PPP4R3B: variants seen among roughly 807,000 people sequenced by gnomAD.
The protein encoded by PPP4R3B is protein phosphatase 4 regulatory subunit 3B.
Under a neutral mutation model 95.4 loss-of-function variants are expected in PPP4R3B, and 52 were observed. The ratio of observed to expected loss-of-function variants is 0.54; its 90% CI spans 0.44 to 0.69. The LOEUF is 0.69. PPP4R3B is among the 30% of genes least tolerant of loss of function. The probability of loss-of-function intolerance (pLI) is 0.00; values close to 1 mark genes in which losing one functional copy is unlikely to be tolerated. For synonymous variants in PPP4R3B, 407 were observed against 343.9 expected, an observed-to-expected ratio of 1.18 and a Z score of -2.03; for missense variants, 1,003 against 1,005.9, an observed-to-expected ratio of 1.00 and a Z score of 0.04.
chr2:55,574,452 T>C (rs993664368), intron 11 of PPP4R3B, among the ~76,000 whole-genome samples: 5 of 151,968 alleles, frequency 3.3e-5, no homozygotes, highest in South Asian at 2.1e-4. Flanking sequence ...AAAGGGCCCA[T>C]TGTTAAAAAA....
intron 10 of PPP4R3B, 62 bp downstream of exon 10, chr2:55,578,185 G>T: frequency 1.6e-6 from 2 of 1,289,712 alleles, no homozygotes; most frequent in Non-Finnish European, 2.0e-6. Flanking sequence ...AAATAATACC[G>T]TATATACACA....
chr2:55,617,237 G>A lies in PPP4R3B; in HGVS notation c.49C>T (p.Arg17Trp), dbSNP rs1210918983. 1.9e-6 allele frequency: 3 copies of A among 1,613,836 alleles called. No individual in the cohort carries two copies. The highest frequency in any genetic ancestry group is 2.2e-5 in the East Asian group (1 of 44,856). The change falls in exon 1 of 17, where the codon CGG becomes TGG. Residue 17 changes from arginine to tryptophan, a missense_variant. By Grantham distance (101) the Arg-to-Trp change is moderately radical. Around this residue, in one of 3 missense-constraint regions of PPP4R3B, gnomAD observed 695 missense variants for 686.2 expected, o/e 1.01. Transcript: ENST00000616407. ...RVKVYTLNED[R>W]QWDDRGTGHV... ...CCGGTGCCTCGGTCGTCCCATTGCC[G>A]GTCTTCGTTCAGGGTATAGACCTTC...
At position 55,578,328 on chromosome 2, in the gene PPP4R3B, G is replaced by C. The variant is rs752894696; in HGVS notation, c.1483C>G (p.His495Asp). ...DKCEKDFFLKHYRYSWSFICT... is the reference protein window; with the variant it reads ...DKCEKDFFLKDYRYSWSFICT... Reference sequence around the variant, plus strand: ...ATGAAACTCCAACTATATCTGTAATGTTTTAAAAAAAAATCTGAAAAAAAA... The same window carrying C: ...ATGAAACTCCAACTATATCTGTAATCTTTTAAAAAAAAATCTGAAAAAAAA... The change falls in exon 10 of 17, where the codon CAT becomes GAT. Residue 495 changes from histidine (H) to aspartate (D), a missense_variant. Physicochemically the swap from His to Asp is moderately conservative, Grantham distance 81 (BLOSUM62 -1). Around this residue, in one of 3 missense-constraint regions of PPP4R3B, gnomAD observed 695 missense variants for 686.2 expected, o/e 1.01. Coordinates refer to ENST00000616407, the MANE Select transcript of PPP4R3B (RefSeq NM_001122964.3). 8.4e-6 allele frequency: 12 copies of C among 1,423,412 alleles called. No homozygotes were observed. The highest frequency in any genetic ancestry group is 1.1e-5 in the Non-Finnish European group (12 of 1,085,726). 88.2% of individuals were successfully genotyped at this position (1,423,412 alleles called of 1,614,324 possible). A position where few individuals can be genotyped will look rare whatever the true frequency, so the allele number is the denominator to read the frequency against.
chr2:55,549,408 G>C lies in PPP4R3B; in HGVS notation c.*503C>G, dbSNP rs1374044647. 3 of 153,374 alleles carry C rather than the reference G, an allele frequency of 2.0e-5. No individual in the cohort carries two copies. The highest frequency in any genetic ancestry group is 7.2e-5 in the African/African-American group (3 of 41,382). The allele number at this position is 153,374 out of a possible 1,614,324, so 9.5% of individuals were successfully genotyped here. ...AAATCTTAAAGAAATGGTCCCAACAGCTTAACTTCATTTTTTTAATGATAG... is the reference window on the plus strand; with the variant it reads ...AAATCTTAAAGAAATGGTCCCAACACCTTAACTTCATTTTTTTAATGATAG... On this transcript the variant is annotated 3_prime_UTR_variant, in exon 17 of 17. Transcript: ENST00000616407.
intron 13 of PPP4R3B, among the ~76,000 whole-genome samples, chr2:55,567,296 T>C (rs1687435332): frequency 6.6e-6 from 1 of 152,226 alleles, no homozygotes; most frequent in African/African-American, 2.4e-5. Context: ...ACTTTGGGTG[T>C]CTTAATTTCC....
intron 11 of PPP4R3B, among the ~76,000 whole-genome samples, chr2:55,576,929 C>T (rs990922031): frequency 6.6e-6 from 1 of 152,168 alleles, no homozygotes; most frequent in African/African-American, 2.4e-5. Flanking sequence ...CCCATACCTA[C>T]TATGCCTATT....
Position 55,562,725 on chromosome 2 carries a change from G to A in PPP4R3B, c.2260+1588C>T, listed in dbSNP as rs1048070379. ...ATCTCAGTATTAGAAAGGACCTTAC[G>A]GATCATAACAAAATTAGCCATTCTA... On this transcript the variant is annotated intron_variant, in intron 15 of 16. Coordinates refer to ENST00000616407, the MANE Select transcript of PPP4R3B (RefSeq NM_001122964.3). 5.9e-5 allele frequency among the ~76,000 whole-genome samples: 9 copies of A among 152,188 alleles called. No homozygotes were observed. The East Asian group carries it at 9.6e-4, about 16-fold the overall frequency.
rs750601452 is a variant in PPP4R3B, at chr2:55,564,487, T to C, written c.2086A>G (p.Ile696Val). 3 of 1,605,998 alleles carry C rather than the reference T, an allele frequency of 1.9e-6. No homozygotes were observed. The highest frequency in any genetic ancestry group is 1.1e-5 in the South Asian group (1 of 89,344). ...CTGCGAAATCTGTTACTACGCAATATAGATGGTACACTGTAAGAAATATAT... is the reference window on the plus strand; with the variant it reads ...CTGCGAAATCTGTTACTACGCAATACAGATGGTACACTGTAAGAAATATAT... ...QNQKLNSVPSILRSNRFRRDA... is the reference protein window; with the variant it reads ...QNQKLNSVPSVLRSNRFRRDA... Residue 696 changes from isoleucine to valine, a missense_variant, in exon 15 of 17, where the codon ATA becomes GTA. Ile to Val is a conservative substitution (Grantham distance 29). This residue lies in a region of PPP4R3B where 229 missense variants were observed against 194.7 expected (regional missense o/e 1.18). Coordinates refer to ENST00000616407, the MANE Select transcript of PPP4R3B (RefSeq NM_001122964.3).
rs1684914944 is a variant in PPP4R3B, at chr2:55,548,310, G to GTT, written c.*1600_*1601insAA. ...ATTTTATTGGCTTTTAAAAGATACT[G>GTT]TAAAATTGACATATCTCAAAATGGA... On this transcript the variant is annotated 3_prime_UTR_variant, in exon 17 of 17. Coordinates refer to ENST00000616407, the MANE Select transcript of PPP4R3B (RefSeq NM_001122964.3). The GTT allele has an allele frequency of 6.6e-6, 1 of 152,540 alleles. No homozygotes were observed. Among genetic ancestry groups the GTT allele is most frequent in the African/African-American group, 2.4e-5 (1 of 41,412 alleles). 9.4% of individuals were successfully genotyped at this position (152,540 alleles called of 1,614,324 possible). A position where few individuals can be genotyped will look rare whatever the true frequency, so the allele number is the denominator to read the frequency against.
At chr2:55,583,106 T>C (rs1358233238) in intron 7 of PPP4R3B, among the ~76,000 whole-genome samples, 1 of 152,178 alleles carries the variant, frequency 6.6e-6, no homozygotes, top group Admixed American at 6.5e-5. Flanking sequence ...AATGTTTGAA[T>C]GCTGAGCATT....
chr2:55,599,830 CT>C (rs1410307908), intron 3 of PPP4R3B, among the ~76,000 whole-genome samples: 1 of 152,138 alleles, frequency 6.6e-6, no homozygotes, highest in Non-Finnish European at 1.5e-5. Context: ...AAGAGGCTTC[CT>C]TTGAATAAAA....
intron 11 of PPP4R3B, among the ~76,000 whole-genome samples, chr2:55,575,342 T>C (rs1688543147): frequency 1.3e-5 from 2 of 152,222 alleles, no homozygotes; most frequent in South Asian, 2.1e-4. Flanking sequence ...GATACATTCA[T>C]GAAATGATTT....
At chr2:55,612,117 T>G (rs969598343) in intron 2 of PPP4R3B, among the ~76,000 whole-genome samples, 1 of 152,230 alleles carries the variant, frequency 6.6e-6, no homozygotes, top group Middle Eastern at 3.4e-3. Context: ...AACCCGCTAA[T>G]GGAAACAAAA....
At chr2:55,578,015 T>C (rs1000587208) in intron 10 of PPP4R3B, among the ~76,000 whole-genome samples, 3 of 152,114 alleles carry the variant, frequency 2.0e-5, no homozygotes, top group Admixed American at 1.3e-4. Flanking sequence ...GAGAGGATTA[T>C]GTAGGAGTTA....
intron 3 of PPP4R3B, among the ~76,000 whole-genome samples, chr2:55,601,688 A>G (rs1692638209): frequency 6.6e-6 from 1 of 152,132 alleles, no homozygotes; most frequent in African/African-American, 2.4e-5. Context: ...ACCCAGACCA[A>G]CTGTTAATGA....
intron 3 of PPP4R3B, among the ~76,000 whole-genome samples, chr2:55,600,426 C>CAA (rs60764774): frequency 0.05 from 1,112 of 22,152 alleles, 413 homozygotes; most frequent in South Asian, 0.087. Context: ...AACTCTGTCT[C>CAA]AAAAAAAAAA....
chr2:55,617,374 TGGCGGTGGCGGC>T lies in PPP4R3B; in HGVS notation c.-101_-90del. 1 of 1,371,822 alleles carries T rather than the reference TGGCGGTGGCGGC, an allele frequency of 7.3e-7. No individual in the cohort carries two copies. The highest frequency in any genetic ancestry group is 1.7e-5 in the South Asian group (1 of 60,232). The allele number at this position is 1,371,822 out of a possible 1,614,324, so 85.0% of individuals were successfully genotyped here. A position where few individuals can be genotyped will look rare whatever the true frequency, so the allele number is the denominator to read the frequency against. On this transcript the variant is annotated 5_prime_UTR_variant, in exon 1 of 17. Coordinates refer to ENST00000616407, the MANE Select transcript of PPP4R3B (RefSeq NM_001122964.3). ...TCTTAGGAGACGGTAAAGGCAGTAG[TGGCGGTGGCGGC>T]GGCGGCGGCTTCGGAGAGGCCCGAA...
intron 3 of PPP4R3B, among the ~76,000 whole-genome samples, chr2:55,599,427 G>C (rs889785031): frequency 6.6e-5 from 10 of 152,020 alleles, no homozygotes; most frequent in African/African-American, 2.4e-4. Context: ...GACAAAGCAA[G>C]ACTCTGTCTC....
chr2:55,578,909 T>C (rs1474607789), intron 9 of PPP4R3B, among the ~76,000 whole-genome samples: 13 of 152,086 alleles, frequency 8.5e-5, no homozygotes. Context: ...AGTCCTTTGC[T>C]TATGTTAGTA....
Sources: allele counts gnomAD v4.1 joint callset (sites outside exome capture counted in the v4.1 genomes callset), GRCh38; gene constraint gnomAD v4.1.1; regional missense constraint gnomAD v4.1.1; transcripts MANE v1.5; gene names NCBI Gene and HGNC (gene_info 2026-07-23, HGNC 2026-07-21).